The following PTPN4 variants were observed in gnomAD, a reference collection of about 807,000 sequenced individuals.
The protein encoded by PTPN4 is protein tyrosine phosphatase non-receptor type 4.
Under a neutral mutation model 135.5 loss-of-function variants are expected in PTPN4, and 49 were observed. The observed-to-expected ratio is 0.36, with a 90% confidence interval of 0.29 to 0.46. The LOEUF (loss-of-function observed/expected upper bound fraction) is 0.46, where lower values mean the gene tolerates loss of function less well. PTPN4 is among the 20% of genes least tolerant of loss of function. PTPN4 has a pLI of 1.00. For synonymous variants in PTPN4, 333 were observed against 369.9 expected (o/e 0.90, Z 1.14); for missense variants, 860 against 1,101.0 (o/e 0.78, Z 3.10).
intron 1 of PTPN4, among the ~76,000 whole-genome samples, chr2:119,770,789 T>G (rs1690719024): frequency 6.6e-6 from 1 of 152,300 alleles, no homozygotes; most frequent in South Asian, 2.1e-4. Context: ...GTAACCCATT[T>G]CCTTTCACCT....
intron 2 of PTPN4, among the ~76,000 whole-genome samples, chr2:119,812,706 C>T (rs367776626): frequency 1.3e-5 from 2 of 152,244 alleles, no homozygotes; most frequent in South Asian, 2.1e-4. Flanking sequence ...CCTCTCATGC[C>T]GTGAATTCAT....
Position 119,952,058 on chromosome 2 carries a change from A to G in PTPN4, c.1742A>G (p.Gln581Arg). The change falls in exon 19 of 27, where the codon CAG (glutamine) becomes CGG (arginine). Residue 581 changes from glutamine to arginine, a missense_variant. Around this residue, in one of 2 missense-constraint regions of PTPN4, gnomAD observed 684 missense variants for 807.0 expected, o/e 0.85. Transcript: ENST00000263708. Reference protein sequence around the residue: ...GRDIAEHTHDQVVLFIKASCE... With the variant: ...GRDIAEHTHDRVVLFIKASCE... The stretch of plus-strand genomic sequence containing the variant: ...GACATTGCAGAACACACTCATGATC[A>G]GGTTGTGCTGTTTATTAAAGCTAGT... 6.2e-7 allele frequency: 1 copy of G among 1,613,456 alleles called. No individual in the cohort carries two copies.
At chr2:119,947,999 C>A (rs917279665) in intron 18 of PTPN4, among the ~76,000 whole-genome samples, 1 of 152,024 alleles carries the variant, frequency 6.6e-6, no homozygotes, top group Non-Finnish European at 1.5e-5. Context: ...GATCCTATTT[C>A]CTTATTTGAA....
At chr2:119,814,741 C>A (rs1187952944) in intron 2 of PTPN4, among the ~76,000 whole-genome samples, 1 of 152,166 alleles carries the variant, frequency 6.6e-6, no homozygotes, top group Non-Finnish European at 1.5e-5. Context: ...ACCTTGACAT[C>A]TCTCAAGTTG....
chr2:119,848,286 G>T (rs1040352499), intron 2 of PTPN4, among the ~76,000 whole-genome samples: 2 of 150,574 alleles, frequency 1.3e-5, no homozygotes, highest in African/African-American at 4.9e-5. Flanking sequence ...CCATTCTCCC[G>T]CCTCAGCCTC....
intron 15 of PTPN4, among the ~76,000 whole-genome samples, chr2:119,941,731 C>T (rs1679064612): frequency 6.6e-6 from 1 of 152,172 alleles, no homozygotes; most frequent in Non-Finnish European, 1.5e-5. Flanking sequence ...TTCTCCTCAC[C>T]TTTTCCTTAT....
At chr2:119,923,192 AG>A (rs1171460273) in intron 12 of PTPN4, among the ~76,000 whole-genome samples, 6 of 152,274 alleles carry the variant, frequency 3.9e-5, no homozygotes, top group African/African-American at 1.2e-4. Context: ...TGGGCAACAT[AG>A]GCAGACCCCT....
chr2:119,934,490 C>T (rs1412502034), intron 14 of PTPN4, among the ~76,000 whole-genome samples: 4 of 152,082 alleles, frequency 2.6e-5, no homozygotes, highest in Non-Finnish European at 4.4e-5. Flanking sequence ...TTATTCTAAT[C>T]CCTTTATTTT....
At chr2:119,783,036 A>T (rs975333161) in intron 1 of PTPN4, among the ~76,000 whole-genome samples, 1 of 150,916 alleles carries the variant, frequency 6.6e-6, no homozygotes, top group Non-Finnish European at 1.5e-5. Flanking sequence ...TGAGTGCATC[A>T]TAGTAACATC....
intron 5 of PTPN4, among the ~76,000 whole-genome samples, chr2:119,878,955 T>A (rs1362184573): frequency 9.2e-5 from 14 of 151,582 alleles, no homozygotes; most frequent in Non-Finnish European, 1.6e-4. Context: ...TAGCCGGGTG[T>A]GGTGGCAGGC....
At chr2:119,871,815 A>G (rs776227670) in intron 3 of PTPN4, among the ~76,000 whole-genome samples, 16 of 152,222 alleles carry the variant, frequency 1.1e-4, no homozygotes, top group Admixed American at 4.6e-4. Context: ...AAACTTGGCT[A>G]TGCTTCCAAA....
chr2:119,776,456 A>G (rs1408473833), intron 1 of PTPN4, among the ~76,000 whole-genome samples: 1 of 152,164 alleles, frequency 6.6e-6, no homozygotes, highest in East Asian at 1.9e-4. Context: ...TTACAGGCGT[A>G]AGCCACCGCA....
intron 12 of PTPN4, among the ~76,000 whole-genome samples, chr2:119,921,620 CTTT>C (rs35311873): frequency 5.5e-5 from 8 of 144,530 alleles, no homozygotes; most frequent in Admixed American, 2.1e-4. Flanking sequence ...CGTTTAACTC[CTTT>C]TTTTTTTTTT....
intron 5 of PTPN4, among the ~76,000 whole-genome samples, chr2:119,879,867 A>G (rs999222111): frequency 2.0e-5 from 3 of 152,138 alleles, no homozygotes; most frequent in Non-Finnish European, 4.4e-5. Flanking sequence ...ATTCTTTCTC[A>G]GTTTTTAGCT....
intron 2 of PTPN4, among the ~76,000 whole-genome samples, chr2:119,823,239 T>C (rs1249609135): frequency 6.6e-6 from 1 of 151,178 alleles, no homozygotes; most frequent in East Asian, 1.9e-4. Flanking sequence ...CTGTTTCTTT[T>C]TTTTTTTTTT....
intron 10 of PTPN4, among the ~76,000 whole-genome samples, chr2:119,902,531 G>A (rs1038813992): frequency 3.9e-5 from 6 of 152,196 alleles, no homozygotes; most frequent in Non-Finnish European, 5.9e-5. Flanking sequence ...CTAGAGTCAC[G>A]GAGGCACTTG....
At chr2:119,968,190 C>T (rs1574425667) in intron 26 of PTPN4, among the ~76,000 whole-genome samples, 1 of 152,296 alleles carries the variant, frequency 6.6e-6, no homozygotes, top group East Asian at 1.9e-4. Flanking sequence ...CACAGCCATG[C>T]TCATTTATCT....
chr2:119,877,432 T>A (rs1382716564), intron 4 of PTPN4, 32 bp from the exon 5 acceptor site: 1 of 1,605,164 alleles, frequency 6.2e-7, no homozygotes, highest in African/African-American at 1.3e-5. Flanking sequence ...TAATATAGTC[T>A]GATTAATTAG....
chr2:119,943,011 G>C (rs1000936936), intron 15 of PTPN4, among the ~76,000 whole-genome samples: 16 of 152,150 alleles, frequency 1.1e-4, no homozygotes, highest in South Asian at 2.1e-4. Context: ...TTGTAGACTT[G>C]GCAGAATTTA....
Sources: allele counts gnomAD v4.1 joint callset (sites outside exome capture counted in the v4.1 genomes callset), GRCh38; gene constraint gnomAD v4.1.1; regional missense constraint gnomAD v4.1.1; transcripts MANE v1.5; gene names NCBI Gene and HGNC (gene_info 2026-07-23, HGNC 2026-07-21).